The following CLHC1 variants were observed in gnomAD, a reference collection of about 807,000 sequenced individuals.
CLHC1 encodes clathrin heavy chain linker domain-containing protein 1.
Under a neutral mutation model 69.5 loss-of-function variants are expected in CLHC1, and 72 were observed. That is an observed-to-expected ratio of 1.04 (90% confidence interval 0.86 to 1.26). The LOEUF (loss-of-function observed/expected upper bound fraction) is 1.26. CLHC1 is among the 50% of genes most tolerant of loss of function. The pLI is 0.00. For missense variants in CLHC1, 790 were observed against 679.3 expected, an observed-to-expected ratio of 1.16 and a Z score of -1.81; for synonymous variants, 223 against 224.3, an observed-to-expected ratio of 0.99 and a Z score of 0.05.
At chr2:55,202,038 G>C (rs1671991752) in intron 9 of CLHC1, among the ~76,000 whole-genome samples, 1 of 152,076 alleles carries the variant, frequency 6.6e-6, no homozygotes, top group South Asian at 2.1e-4. Flanking sequence ...ATATATGACA[G>C]AACCACAGCT....
At chr2:55,223,478 T>TC (rs1254196387) in intron 2 of CLHC1, among the ~76,000 whole-genome samples, 1 of 152,044 alleles carries the variant, frequency 6.6e-6, no homozygotes, top group African/African-American at 2.4e-5. Flanking sequence ...TCAGGGCACC[T>TC]CCCGCTCGCC....
At chr2:55,227,504 C>G (rs945660757) in intron 2 of CLHC1, among the ~76,000 whole-genome samples, 1 of 151,926 alleles carries the variant, frequency 6.6e-6, no homozygotes, top group Non-Finnish European at 1.5e-5. Context: ...ATGGTGAAAC[C>G]ACATCTCTAC....
At chr2:55,222,786 T>G (rs570917080) in intron 2 of CLHC1, among the ~76,000 whole-genome samples, 1 of 152,138 alleles carries the variant, frequency 6.6e-6, no homozygotes, top group Admixed American at 6.5e-5. Flanking sequence ...CCAGGCGTGG[T>G]GGCGCATGCC....
intron 4 of CLHC1, chr2:55,214,833 A>T (rs769966353): frequency 6.6e-6 from 1 of 152,256 alleles, no homozygotes; most frequent in Admixed American, 6.5e-5. Flanking sequence ...GGATAAACAA[A>T]ATGTAGTATA....
chr2:55,175,425 G>C lies in CLHC1; in HGVS notation c.*365C>G, dbSNP rs1249566627. ...GTAGCATTTCATGTTTGGGAAGACA[G>C]TCTAACACACAGGATACTACCCACA... On this transcript the variant is annotated 3_prime_UTR_variant, in exon 13 of 13. Transcript: ENST00000401408. The C allele has an allele frequency of 5.7e-6, 1 of 175,196 alleles. No homozygotes were observed. Among genetic ancestry groups the C allele is most frequent in the Non-Finnish European group, 1.2e-5 (1 of 81,892 alleles). The allele number at this position is 175,196 out of a possible 1,614,324, so 10.9% of individuals were successfully genotyped here. A position where few individuals can be genotyped will look rare whatever the true frequency, so the allele number is the denominator to read the frequency against.
chr2:55,197,539 G>A (rs990277315), intron 9 of CLHC1, among the ~76,000 whole-genome samples: 7 of 152,174 alleles, frequency 4.6e-5, no homozygotes, highest in Non-Finnish European at 7.3e-5. Flanking sequence ...GCAACTTGGA[G>A]AGACTCCATT....
chr2:55,177,717 C>T lies in CLHC1; in HGVS notation c.1449G>A (p.Glu483=). 1 of 1,613,106 alleles carries T rather than the reference C, an allele frequency of 6.2e-7. No individual in the cohort carries two copies. The highest frequency in any genetic ancestry group is 1.3e-5 in the African/African-American group (1 of 75,028). ...QVELIQCLTK[E]LNEKQPSLSF... is the part of the protein sequence containing the mutation. ...ATAAAGATGGTTGTTTCTCATTCAACTCTTTAGTGAGACACTGAATTAATT... is the reference window on the plus strand; with the variant it reads ...ATAAAGATGGTTGTTTCTCATTCAATTCTTTAGTGAGACACTGAATTAATT... Residue 483 remains glutamate, a synonymous_variant, in exon 12 of 13, where the codon GAG becomes GAA. Coordinates refer to ENST00000401408, the MANE Select transcript of CLHC1 (RefSeq NM_152385.4).
chr2:55,205,541 C>A (rs1013498183), intron 9 of CLHC1, among the ~76,000 whole-genome samples: 3 of 152,066 alleles, frequency 2.0e-5, no homozygotes, highest in African/African-American at 7.2e-5. Flanking sequence ...GAGAGGGATA[C>A]TGAGGGGCAT....
intron 4 of CLHC1, among the ~76,000 whole-genome samples, chr2:55,217,371 A>G (rs992020208): frequency 6.7e-6 from 1 of 150,372 alleles, no homozygotes. Context: ...TTAAAAAAAA[A>G]AATTAGCTGG....
chr2:55,213,561 T>C (rs972006287), intron 4 of CLHC1, among the ~76,000 whole-genome samples: 8 of 152,164 alleles, frequency 5.3e-5, no homozygotes, highest in African/African-American at 1.9e-4. Flanking sequence ...TACAGTAATT[T>C]TGATCCTAGA....
At chr2:55,210,736 T>C (rs1241813861) in intron 5 of CLHC1, among the ~76,000 whole-genome samples, 2 of 152,236 alleles carry the variant, frequency 1.3e-5, no homozygotes, top group African/African-American at 4.8e-5. Context: ...GTAATCAGTT[T>C]ATTATTCTCA....
At chr2:55,218,722 C>G (rs932135148) in intron 3 of CLHC1, 1 of 151,864 alleles carries the variant, frequency 6.6e-6, no homozygotes, top group Non-Finnish European at 1.5e-5. Flanking sequence ...ATGCATTACC[C>G]ATGCAAAAAT....
chr2:55,231,786 T>G (rs1200356074), intron 1 of CLHC1: 1 of 152,200 alleles, frequency 6.6e-6, no homozygotes, highest in Non-Finnish European at 1.5e-5. Flanking sequence ...AATTTGGAAA[T>G]TCTACAACTA....
intron 4 of CLHC1, among the ~76,000 whole-genome samples, chr2:55,213,903 A>C (rs1237684524): frequency 6.6e-6 from 1 of 152,196 alleles, no homozygotes; most frequent in Non-Finnish European, 1.5e-5. Context: ...TCAGTGGATG[A>C]CAAATTACTA....
At chr2:55,204,279 T>C (rs1672232949) in intron 9 of CLHC1, among the ~76,000 whole-genome samples, 1 of 152,022 alleles carries the variant, frequency 6.6e-6, no homozygotes, top group African/African-American at 2.4e-5. Flanking sequence ...AGGGAAACTC[T>C]GTCAAAAAAA....
chr2:55,196,803 T>C (rs1671466333), intron 9 of CLHC1, among the ~76,000 whole-genome samples: 1 of 152,194 alleles, frequency 6.6e-6, no homozygotes, highest in African/African-American at 2.4e-5. Context: ...GATCAGCTTC[T>C]TCTTGAGAAA....
At chr2:55,223,263 T>G (rs1018996304) in intron 2 of CLHC1, among the ~76,000 whole-genome samples, 3 of 152,168 alleles carry the variant, frequency 2.0e-5, no homozygotes, top group Non-Finnish European at 4.4e-5. Context: ...ATAAACTTTA[T>G]TTTAATTCTC....
At chr2:55,180,396 A>T in intron 11 of CLHC1, 114 bp downstream of exon 11, 3 of 671,968 alleles carry the variant, frequency 4.5e-6, no homozygotes, top group Non-Finnish European at 7.6e-6. Context: ...ACTTATTGGT[A>T]TATATAAAAT....
At chr2:55,186,376 T>C (rs1390190274) in intron 9 of CLHC1, among the ~76,000 whole-genome samples, 1 of 152,162 alleles carries the variant, frequency 6.6e-6, no homozygotes, top group Non-Finnish European at 1.5e-5. Context: ...AGCACATCCA[T>C]GAGCATGAGT....
Sources: allele counts gnomAD v4.1 joint callset (sites outside exome capture counted in the v4.1 genomes callset), GRCh38; gene constraint gnomAD v4.1.1; transcripts MANE v1.5; gene names NCBI Gene and HGNC (gene_info 2026-07-23, HGNC 2026-07-21).